ROBO1: variants seen among roughly 807,000 people sequenced by gnomAD.
The protein encoded by ROBO1 is roundabout homolog 1.
Under a neutral mutation model 195.9 loss-of-function variants are expected in ROBO1, and 149 were observed. The observed-to-expected ratio is 0.76, with a 90% CI of 0.67 to 0.87. The LOEUF (loss-of-function observed/expected upper bound fraction) is 0.87, where lower values mean the gene tolerates loss of function less well. ROBO1 is among the 40% of genes least tolerant of loss of function. The pLI is 0.00. For synonymous variants in ROBO1, 816 were observed against 733.2 expected, an observed-to-expected ratio of 1.11 and a Z score of -1.82; for missense variants, 1,933 against 2,068.3, an observed-to-expected ratio of 0.93 and a Z score of 1.27.
At chr3:79,138,363 G>C (rs781780789) in intron 2 of ROBO1, among the ~76,000 whole-genome samples, 8 of 152,014 alleles carry the variant, frequency 5.3e-5, no homozygotes, top group Non-Finnish European at 1.0e-4. Flanking sequence ...TAAGATGGAA[G>C]TAACTTTTCT....
At chr3:79,619,129 C>T (rs571188865) in intron 1 of ROBO1, among the ~76,000 whole-genome samples, 1 of 152,246 alleles carries the variant, frequency 6.6e-6, no homozygotes, top group South Asian at 2.1e-4. Context: ...CATCATTCAC[C>T]CACATTCCAT....
At chr3:79,371,843 G>A (rs994985788) in intron 2 of ROBO1, among the ~76,000 whole-genome samples, 1 of 152,132 alleles carries the variant, frequency 6.6e-6, no homozygotes, top group Non-Finnish European at 1.5e-5. Context: ...TAGGATTAAT[G>A]TTCTAGTGCA....
intron 2 of ROBO1, among the ~76,000 whole-genome samples, chr3:79,348,786 A>G (rs2035230293): frequency 6.6e-6 from 1 of 152,214 alleles, no homozygotes; most frequent in Non-Finnish European, 1.5e-5. Flanking sequence ...TTGTATGCAT[A>G]GGCAAAGGTA....
intron 2 of ROBO1, among the ~76,000 whole-genome samples, chr3:79,242,488 C>G (rs2108883695): frequency 6.6e-6 from 1 of 152,178 alleles, no homozygotes; most frequent in East Asian, 1.9e-4. Flanking sequence ...AGAGGAAACA[C>G]CAACTCAAGA....
chr3:79,550,128 A>G (rs1046225059), intron 2 of ROBO1, among the ~76,000 whole-genome samples: 1 of 146,756 alleles, frequency 6.8e-6, no homozygotes, highest in African/African-American at 2.6e-5. Context: ...CCATCTCCAA[A>G]GGAAAATTAA....
intron 2 of ROBO1, among the ~76,000 whole-genome samples, chr3:79,254,204 G>C (rs2082784295): frequency 6.6e-6 from 1 of 152,072 alleles, no homozygotes; most frequent in Non-Finnish European, 1.5e-5. Context: ...CAGGATATAA[G>C]ATAAATAACA....
intron 4 of ROBO1, among the ~76,000 whole-genome samples, chr3:78,834,977 A>G (rs1198505439): frequency 6.6e-6 from 1 of 152,224 alleles, no homozygotes; most frequent in Non-Finnish European, 1.5e-5. Context: ...ACTTGAGTCC[A>G]CAACTACACC....
At chr3:79,739,092 G>T (rs1703512188) in intron 1 of ROBO1, among the ~76,000 whole-genome samples, 1 of 152,128 alleles carries the variant, frequency 6.6e-6, no homozygotes, top group Admixed American at 6.5e-5. Context: ...ATGCATATAG[G>T]TTTATGTTTG....
chr3:78,711,440 T>C (rs62257464), intron 8 of ROBO1, among the ~76,000 whole-genome samples: 4,242 of 39,212 alleles, frequency 0.11, 334 homozygotes, highest in African/African-American at 0.11. Flanking sequence ...TCTTTCTTTC[T>C]TTCCTTCCTT....
At chr3:79,319,081 A>G (rs2033864954) in intron 2 of ROBO1, among the ~76,000 whole-genome samples, 2 of 152,196 alleles carry the variant, frequency 1.3e-5, no homozygotes, top group Non-Finnish European at 2.9e-5. Context: ...TGAATAATGT[A>G]CATTGCACTC....
At chr3:79,057,666 A>G (rs1431292619) in intron 3 of ROBO1, among the ~76,000 whole-genome samples, 4 of 151,854 alleles carry the variant, frequency 2.6e-5, no homozygotes, top group African/African-American at 7.3e-5. Flanking sequence ...TCAGCACTGG[A>G]TCTCGCTTAC....
At chr3:79,638,092 T>G (rs910784381) in intron 1 of ROBO1, among the ~76,000 whole-genome samples, 1 of 152,188 alleles carries the variant, frequency 6.6e-6, no homozygotes, top group Admixed American at 6.6e-5. Flanking sequence ...GTTCAATAGA[T>G]TCAGACTACT....
chr3:78,972,309 C>G (rs745498767), intron 3 of ROBO1, among the ~76,000 whole-genome samples: 2 of 152,186 alleles, frequency 1.3e-5, no homozygotes, highest in Non-Finnish European at 2.9e-5. Context: ...CTTTCAACAT[C>G]TGTGCTTTGA....
chr3:79,643,714 A>G (rs969092906), intron 1 of ROBO1, among the ~76,000 whole-genome samples: 2 of 152,142 alleles, frequency 1.3e-5, no homozygotes, highest in African/African-American at 2.4e-5. Flanking sequence ...ACCACAATAC[A>G]AAAACCTATA....
At chr3:79,158,067 A>G (rs67725324) in intron 2 of ROBO1, among the ~76,000 whole-genome samples, 36,510 of 151,632 alleles carry the variant, frequency 0.24, 4,870 homozygotes, top group South Asian at 0.32. Flanking sequence ...TTCATAAAAG[A>G]AAAGAGTACA....
At chr3:79,558,460 TGTTA>T in intron 2 of ROBO1, among the ~76,000 whole-genome samples, 1 of 152,352 alleles carries the variant, frequency 6.6e-6, no homozygotes, top group East Asian at 1.9e-4. Flanking sequence ...CGAGTGTTTA[TGTTA>T]GTTATTGATA....
chr3:79,089,559 A>G (rs1307802411), intron 3 of ROBO1, among the ~76,000 whole-genome samples: 1 of 152,182 alleles, frequency 6.6e-6, no homozygotes, highest in African/African-American at 2.4e-5. Context: ...TTCTAGAAAC[A>G]AAATTTGCTG....
intron 2 of ROBO1, among the ~76,000 whole-genome samples, chr3:79,393,607 C>A (rs1361499166): frequency 6.6e-6 from 1 of 151,696 alleles, no homozygotes; most frequent in African/African-American, 2.4e-5. Context: ...GGAATAGACA[C>A]AATAAGGAAA....
chr3:79,478,479 C>T (rs1938658999), intron 2 of ROBO1, among the ~76,000 whole-genome samples: 3 of 146,718 alleles, frequency 2.0e-5, no homozygotes, highest in Middle Eastern at 3.9e-3. Context: ...TCAACATGTG[C>T]GGTCTGACCT....
Sources: gnomAD v4.1 joint callset for allele counts (sites outside exome capture counted in the v4.1 genomes callset) on GRCh38, gnomAD v4.1.1 for gene constraint, MANE v1.5 for transcripts, NCBI Gene and HGNC (gene_info 2026-07-23, HGNC 2026-07-21) for gene names.